Variants in KCNK1 observed in about 807,000 individuals in gnomAD.
KCNK1 encodes potassium two pore domain channel subfamily K member 1.
In KCNK1, 10 loss-of-function variants were observed where a neutral mutation model predicts 22.2. The ratio of observed to expected loss-of-function variants is 0.45; its 90% CI spans 0.28 to 0.76. KCNK1 has a LOEUF of 0.76. Among genes scored for constraint, KCNK1 ranks in the 30% least tolerant of loss-of-function variants. The probability of loss-of-function intolerance (pLI) is 0.14; values close to 1 mark genes in which losing one functional copy is unlikely to be tolerated. For missense variants in KCNK1, 378 were observed against 421.0 expected (o/e 0.90, Z 0.89); for synonymous variants, 200 against 186.4 (o/e 1.07, Z -0.60).
At chr1:233,643,928 G>C (rs916619941) in intron 1 of KCNK1, among the ~76,000 whole-genome samples, 4 of 152,208 alleles carry the variant, frequency 2.6e-5, no homozygotes, top group Non-Finnish European at 5.9e-5. Flanking sequence ...AACTGTTGCA[G>C]TTCACATTTC....
chr1:233,623,548 G>A (rs1022234285), intron 1 of KCNK1, among the ~76,000 whole-genome samples: 11 of 152,196 alleles, frequency 7.2e-5, no homozygotes, highest in Admixed American at 3.9e-4. Context: ...TCATAAATAC[G>A]TAAAATTATT....
At chr1:233,646,644 G>C (rs1222481510) in intron 1 of KCNK1, among the ~76,000 whole-genome samples, 1 of 152,082 alleles carries the variant, frequency 6.6e-6, no homozygotes, top group Non-Finnish European at 1.5e-5. Context: ...GAGTCCTGGA[G>C]GGTTCTAATG....
At chr1:233,639,860 AAC>A (rs1558113427) in intron 1 of KCNK1, among the ~76,000 whole-genome samples, 1 of 152,206 alleles carries the variant, frequency 6.6e-6, no homozygotes, top group African/African-American at 2.4e-5. Context: ...GCCACGTCAG[AAC>A]ACACCTGGTG....
intron 2 of KCNK1, among the ~76,000 whole-genome samples, chr1:233,670,826 G>T (rs969250780): frequency 6.6e-6 from 1 of 152,164 alleles, no homozygotes; most frequent in Non-Finnish European, 1.5e-5. Context: ...AGTATTGAGT[G>T]CTTAAAATCT....
intron 1 of KCNK1, among the ~76,000 whole-genome samples, chr1:233,639,130 A>G (rs888647450): frequency 6.6e-6 from 1 of 152,216 alleles, no homozygotes; most frequent in Non-Finnish European, 1.5e-5. Flanking sequence ...TTTTTCACTC[A>G]TATGATCCTG....
rs1413726407 is a variant in KCNK1 at position 233,671,621 on chromosome 1, G to A, written c.*91G>A. On this transcript the variant is annotated 3_prime_UTR_variant, in exon 3 of 3. Coordinates refer to ENST00000366621, the MANE Select transcript of KCNK1 (RefSeq NM_002245.4). The stretch of plus-strand genomic sequence containing the variant: ...TTCATTTTTATCAGAATGCAAAAGC[G>A]AAAATTATGTCACTTTAAGAAATAG... The A allele has an allele frequency of 6.3e-6, 9 of 1,426,532 alleles. No individual in the cohort carries two copies. The highest frequency in any genetic ancestry group is 4.1e-5 in the Admixed American group (2 of 48,476). 88.4% of individuals were successfully genotyped at this position (1,426,532 alleles called of 1,614,324 possible). A position where few individuals can be genotyped will look rare whatever the true frequency, so the allele number is the denominator to read the frequency against.
rs1272413951 is a variant in KCNK1, at chr1:233,639,181, A to G, written c.355+24655A>G. On this transcript the variant is annotated intron_variant, in intron 1 of 2. Coordinates refer to ENST00000366621, the MANE Select transcript of KCNK1 (RefSeq NM_002245.4). The stretch of plus-strand genomic sequence containing the variant: ...CAAAGAAGGGGCTAACTGACCTCAC[A>G]CAGTACTTGTTCTCCTTTTTCTTTC... Among the ~76,000 whole-genome samples, 3 of 152,198 alleles carry G rather than the reference A, an allele frequency of 2.0e-5. No individual in the cohort carries two copies. In the South Asian group the frequency reaches 6.2e-4, roughly 31 times the overall value.
In KCNK1 at chr1:233,671,256, C is replaced by A. The variant is rs1257375274; in HGVS notation, c.752-15C>A. ...GTTGAGATCACACTAAGACAGTGTCCTGTTTCTCACACAGGTTACCTGCTA... is the reference window on the plus strand; with the variant it reads ...GTTGAGATCACACTAAGACAGTGTCATGTTTCTCACACAGGTTACCTGCTA... On this transcript the variant is annotated splice_polypyrimidine_tract_variant and intron_variant, in intron 2 of 2. Transcript: ENST00000366621. 1 of 1,613,330 alleles carries A rather than the reference C, an allele frequency of 6.2e-7. No homozygotes were observed. The highest frequency in any genetic ancestry group is 2.2e-5 in the East Asian group (1 of 44,896).
At chr1:233,626,301 C>T (rs1462929296) in intron 1 of KCNK1, among the ~76,000 whole-genome samples, 1 of 152,146 alleles carries the variant, frequency 6.6e-6, no homozygotes, top group Non-Finnish European at 1.5e-5. Flanking sequence ...TGTGGTTCTT[C>T]TTTACAGACC....
chr1:233,618,445 A>G (rs1657523402), intron 1 of KCNK1, among the ~76,000 whole-genome samples: 1 of 152,120 alleles, frequency 6.6e-6, no homozygotes, highest in South Asian at 2.1e-4. Context: ...GGGAGTAAGA[A>G]ATAATTATTA....
intron 1 of KCNK1, among the ~76,000 whole-genome samples, chr1:233,657,744 TG>T (rs1160571613): frequency 3.3e-5 from 5 of 152,196 alleles, no homozygotes; most frequent in African/African-American, 1.2e-4. Flanking sequence ...CAGCCTGGTC[TG>T]TTACCTATGC....
chr1:233,616,009 T>C lies in KCNK1; in HGVS notation c.355+1483T>C, dbSNP rs7531224. ...TATCTCACTTTCCAAAGAATGCCTG[T>C]TCCCTTGCCAATACAATTTAATTTT... is the stretch of plus-strand genomic sequence containing the variant. On this transcript the variant is annotated intron_variant, in intron 1 of 2. Coordinates refer to ENST00000366621, the MANE Select transcript of KCNK1 (RefSeq NM_002245.4). Among the ~76,000 whole-genome samples, 988 of 152,344 alleles carry C rather than the reference T, an allele frequency of 6.5e-3. 7 individuals are homozygous for C. Among genetic ancestry groups the C allele is most frequent in the African/African-American group, 0.022 (926 of 41,592 alleles).
intron 2 of KCNK1, 139 bp from the exon 3 acceptor site, chr1:233,671,132 C>A: frequency 1.3e-6 from 1 of 776,338 alleles, no homozygotes; most frequent in Non-Finnish European, 2.1e-6. Flanking sequence ...CTTAAAAACA[C>A]TTCTAAAAAT....
chr1:233,668,554 T>A lies in KCNK1; in HGVS notation c.751+1564T>A, dbSNP rs186610342. 1.1e-4 allele frequency among the ~76,000 whole-genome samples: 16 copies of A among 152,342 alleles called. No homozygotes were observed. In the East Asian group the frequency reaches 2.7e-3, roughly 26 times the overall value. ...AACCATAATCCAATCATGCCTCTAT[T>A]GCTCATTATTTAGCTTTCTTCTAAT... is the stretch of plus-strand genomic sequence containing the variant. On this transcript the variant is annotated intron_variant, in intron 2 of 2. Coordinates refer to ENST00000366621, the MANE Select transcript of KCNK1 (RefSeq NM_002245.4).
intron 1 of KCNK1, among the ~76,000 whole-genome samples, chr1:233,643,480 T>A (rs1015172333): frequency 6.6e-6 from 1 of 152,184 alleles, no homozygotes; most frequent in Non-Finnish European, 1.5e-5. Flanking sequence ...GTGCAGCACT[T>A]TCCCTATGGT....
chr1:233,637,186 ACT>A (rs548771290), intron 1 of KCNK1: 1 of 119,314 alleles, frequency 8.4e-6, no homozygotes, highest in East Asian at 2.3e-4. Context: ...ACAGAGTGAG[ACT>A]CTGTTTCAAA....
chr1:233,615,119 G>A (rs979908844), intron 1 of KCNK1, among the ~76,000 whole-genome samples: 1 of 152,222 alleles, frequency 6.6e-6, no homozygotes, highest in African/African-American at 2.4e-5. Flanking sequence ...GTAGCCGAGT[G>A]ACATCACTCT....
At chr1:233,663,045 T>C (rs1307372832) in intron 1 of KCNK1, among the ~76,000 whole-genome samples, 1 of 152,206 alleles carries the variant, frequency 6.6e-6, no homozygotes. Context: ...ACGACTTCAT[T>C]AAAATTCAAT....
intron 1 of KCNK1, among the ~76,000 whole-genome samples, chr1:233,636,773 T>A (rs1657905523): frequency 3.0e-5 from 2 of 67,536 alleles, no homozygotes; most frequent in South Asian, 4.5e-4. Context: ...GGACAAGGGA[T>A]CACGAGAGAG....
Sources: gnomAD v4.1 joint callset for allele counts (sites outside exome capture counted in the v4.1 genomes callset) on GRCh38, gnomAD v4.1.1 for gene constraint, MANE v1.5 for transcripts, NCBI Gene and HGNC (gene_info 2026-07-23, HGNC 2026-07-21) for gene names.